Variants in GRM8 observed in about 807,000 individuals in gnomAD.
The protein encoded by GRM8 is metabotropic glutamate receptor 8.
A neutral mutation model predicts 87.2 loss-of-function variants in GRM8; 47 were observed. That is an observed-to-expected ratio of 0.54 (90% CI 0.43 to 0.69). The LOEUF (loss-of-function observed/expected upper bound fraction) is 0.69, where lower values mean the gene tolerates loss of function less well. GRM8 is among the 30% of genes least tolerant of loss of function. GRM8 has a pLI of 0.00. For missense variants in GRM8, 1,019 were observed against 1,139.2 expected (o/e 0.89, Z 1.52); for synonymous variants, 396 against 404.5 (o/e 0.98, Z 0.25).
In GRM8 at chr7:127,243,358, T is replaced by A. The variant is rs1798416274; in HGVS notation, c.-154A>T. Reference sequence around the variant, plus strand: ...TTAGCAAGTTTTCTTGATTTGAATGTCACAGTGAATTTCCATCAGACCCCT... The same window carrying A: ...TTAGCAAGTTTTCTTGATTTGAATGACACAGTGAATTTCCATCAGACCCCT... On this transcript the variant is annotated 5_prime_UTR_variant, in exon 2 of 11. Transcript: ENST00000339582. 1 of 638,996 alleles carries A rather than the reference T, an allele frequency of 1.6e-6. No individual in the cohort carries two copies. Among genetic ancestry groups the A allele is most frequent in the Admixed American group, 3.0e-5 (1 of 33,676 alleles). The allele number at this position is 638,996 out of a possible 1,614,324, so 39.6% of individuals were successfully genotyped here.
At chr7:126,449,545 T>A (rs2150477899) in intron 9 of GRM8, among the ~76,000 whole-genome samples, 1 of 151,976 alleles carries the variant, frequency 6.6e-6, no homozygotes, top group East Asian at 1.9e-4. Flanking sequence ...AAACCAGTTT[T>A]GTTTAGAGAA....
intron 6 of GRM8, among the ~76,000 whole-genome samples, chr7:126,771,238 A>C (rs185670300): frequency 6.6e-6 from 1 of 152,242 alleles, no homozygotes; most frequent in East Asian, 1.9e-4. Flanking sequence ...TTGTATATTT[A>C]CACTCTGAAA....
At chr7:126,556,004 C>T (rs560774272) in intron 8 of GRM8, among the ~76,000 whole-genome samples, 1 of 151,928 alleles carries the variant, frequency 6.6e-6, no homozygotes, top group East Asian at 1.9e-4. Context: ...TGAACATATT[C>T]CCAACTCTGA....
At chr7:127,181,063 T>G (rs1358472466) in intron 2 of GRM8, among the ~76,000 whole-genome samples, 1 of 152,086 alleles carries the variant, frequency 6.6e-6, no homozygotes, top group Non-Finnish European at 1.5e-5. Flanking sequence ...TGTCACTGTT[T>G]GCTGATGATA....
intron 9 of GRM8, among the ~76,000 whole-genome samples, chr7:126,456,519 T>TAAAAACAAAAAAAAAAAAAA: frequency 1.4e-5 from 1 of 69,714 alleles, no homozygotes; most frequent in Non-Finnish European, 2.5e-5. Context: ...AGCAGCAAGC[T>TAAAAACAAAAAAAAAAAAAA]AAAAAAAAAA....
Position 126,904,015 on chromosome 7 carries a change from T to C in GRM8, c.975A>G (p.Ala325=). 6.4e-7 allele frequency: 1 copy of C among 1,572,958 alleles called. No individual in the cohort carries two copies. The highest frequency in any genetic ancestry group is 8.7e-7 in the Non-Finnish European group (1 of 1,143,570). Residue 325 remains alanine (A), a synonymous_variant, in exon 5 of 11, where the codon GCA becomes GCG. Transcript: ENST00000339582. ...IAPVYQQEEI[A]EGAVTILPKR... ...TGGGCAAAATTGTCACAGCCCCTTC[T>C]GCAATCTCCTCTTGCTGATAGACAG... is the stretch of plus-strand genomic sequence containing the variant.
At chr7:127,205,343 C>T (rs1049271001) in intron 2 of GRM8, among the ~76,000 whole-genome samples, 8 of 152,144 alleles carry the variant, frequency 5.3e-5, no homozygotes, top group East Asian at 1.9e-4. Context: ...CACCAACATA[C>T]GAAAACAAAT....
At chr7:126,949,148 TACTC>T (rs1410328996) in intron 3 of GRM8, among the ~76,000 whole-genome samples, 4 of 152,156 alleles carry the variant, frequency 2.6e-5, no homozygotes, top group Non-Finnish European at 4.4e-5. Flanking sequence ...ACATGGCAAA[TACTC>T]AGTAATCCAT....
rs554305774 is a variant in GRM8, at chr7:127,238,788, C to G, written c.510+3907G>C. Among the ~76,000 whole-genome samples the G allele has an allele frequency of 3.3e-5, 5 of 152,296 alleles. No homozygotes were observed. In the South Asian group the frequency reaches 1.0e-3, roughly 32 times the overall value. On this transcript the variant is annotated intron_variant, in intron 2 of 10. Transcript: ENST00000339582. ...AAACAAAGATAGGATGACACCACTT[C>G]CCTCTAGGTCAGATGAGCAGGGCCA... is the stretch of plus-strand genomic sequence containing the variant.
At chr7:126,501,577 A>G (rs1226500725) in intron 9 of GRM8, among the ~76,000 whole-genome samples, 1 of 152,054 alleles carries the variant, frequency 6.6e-6, no homozygotes, top group Non-Finnish European at 1.5e-5. Flanking sequence ...AGTGGCAGAG[A>G]TAATATTTCT....
intron 2 of GRM8, among the ~76,000 whole-genome samples, chr7:127,185,926 T>C (rs1794710956): frequency 6.6e-6 from 1 of 152,240 alleles, no homozygotes. Flanking sequence ...TCTATTTCAC[T>C]AGGGTATTTT....
At chr7:126,726,672 G>A (rs1813015707) in intron 7 of GRM8, among the ~76,000 whole-genome samples, 2 of 152,092 alleles carry the variant, frequency 1.3e-5, no homozygotes, top group African/African-American at 4.8e-5. Flanking sequence ...GAAAACAAAA[G>A]AGGAATTGGA....
At chr7:126,564,689 C>CA (rs1037524263) in intron 8 of GRM8, among the ~76,000 whole-genome samples, 8 of 152,074 alleles carry the variant, frequency 5.3e-5, no homozygotes, top group Admixed American at 2.0e-4. Flanking sequence ...CAAACTATTC[C>CA]AAAAAAACTG....
chr7:126,697,737 C>G (rs1251536070), intron 7 of GRM8, among the ~76,000 whole-genome samples: 1 of 152,124 alleles, frequency 6.6e-6, no homozygotes, highest in Non-Finnish European at 1.5e-5. Context: ...CATTAATCAG[C>G]AGTTACTAAT....
chr7:126,634,171 T>A (rs904524956), intron 7 of GRM8, among the ~76,000 whole-genome samples: 2 of 152,148 alleles, frequency 1.3e-5, no homozygotes, highest in African/African-American at 4.8e-5. Context: ...GGAAACACAC[T>A]GAATTAAAAA....
intron 8 of GRM8, among the ~76,000 whole-genome samples, chr7:126,543,004 G>A (rs1585005340): frequency 6.6e-6 from 1 of 152,106 alleles, no homozygotes; most frequent in Non-Finnish European, 1.5e-5. Context: ...CTAGTTTTCT[G>A]ATTTGACATC....
chr7:126,636,235 A>T (rs548668207), intron 7 of GRM8, among the ~76,000 whole-genome samples: 1 of 152,206 alleles, frequency 6.6e-6, no homozygotes, highest in African/African-American at 2.4e-5. Context: ...CATATTTTGT[A>T]TTTTTAAATT....
At position 126,825,884 on chromosome 7, in the gene GRM8, C is replaced by A. The variant is rs950174195; in HGVS notation, c.1157-55819G>T. Among the ~76,000 whole-genome samples the A allele has an allele frequency of 8.1e-5, 12 of 148,290 alleles. No homozygotes were observed. In the Admixed American group the frequency reaches 8.1e-4, roughly 10 times the overall value. The stretch of plus-strand genomic sequence containing the variant: ...ATCCCTCCCACCTCCCCCCACCCCA[C>A]AACAGTCCCCAGAGTGTGATGTTCC... On this transcript the variant is annotated intron_variant, in intron 6 of 10. Transcript: ENST00000339582.
chr7:127,034,776 T>C (rs17865985), intron 3 of GRM8, among the ~76,000 whole-genome samples: 45 of 152,130 alleles, frequency 3.0e-4, no homozygotes, highest in African/African-American at 1.1e-3. Context: ...TGCTGTAGAG[T>C]AGATCATGGA....
Sources: gnomAD v4.1 joint callset for allele counts (sites outside exome capture counted in the v4.1 genomes callset) on GRCh38, gnomAD v4.1.1 for gene constraint, MANE v1.5 for transcripts, NCBI Gene and HGNC (gene_info 2026-07-23, HGNC 2026-07-21) for gene names.